RBM6: variants seen among roughly 807,000 people sequenced by gnomAD.
RBM6 encodes RNA binding motif protein 6.
RBM6 carries 23 observed loss-of-function variants against 140.4 expected under a neutral mutation model. That is an observed-to-expected ratio of 0.16 (90% confidence interval 0.12 to 0.23). RBM6 has a LOEUF of 0.23. Among genes scored for constraint, RBM6 ranks in the 10% least tolerant of loss-of-function variants. The pLI is 1.00. For synonymous variants in RBM6, 439 were observed against 475.6 expected (o/e 0.92, Z 1.00); for missense variants, 1,139 against 1,386.7 (o/e 0.82, Z 2.84).
chr3:49,946,879 G>A (rs1159145803), intron 1 of RBM6, among the ~76,000 whole-genome samples: 1 of 150,548 alleles, frequency 6.6e-6, no homozygotes, highest in Admixed American at 6.7e-5. Context: ...AGCTATCCTA[G>A]TGGATGTGAA....
At chr3:50,040,713 A>G (rs1028045864) in intron 6 of RBM6, among the ~76,000 whole-genome samples, 11 of 151,100 alleles carry the variant, frequency 7.3e-5, no homozygotes, top group South Asian at 2.1e-4. Flanking sequence ...CTGGAATGCA[A>G]TGGCGTGAGC....
chr3:50,069,151 C>A (rs2108944456), intron 18 of RBM6, among the ~76,000 whole-genome samples: 1 of 152,254 alleles, frequency 6.6e-6, no homozygotes, highest in East Asian at 1.9e-4. Flanking sequence ...GGACTTGCTA[C>A]CTCAACCACA....
At chr3:50,059,287 G>A (rs1425332066) in intron 10 of RBM6, 5 of 157,990 alleles carry the variant, frequency 3.2e-5, no homozygotes, top group Non-Finnish European at 6.9e-5. Flanking sequence ...TTCTATGGAA[G>A]TAAGGTGAAG....
intron 7 of RBM6, among the ~76,000 whole-genome samples, chr3:50,052,534 C>A (rs1031299205): frequency 6.6e-6 from 1 of 152,210 alleles, no homozygotes; most frequent in African/African-American, 2.4e-5. Context: ...TGTTAGAAAT[C>A]AGTTGACCAT....
At chr3:50,008,546 C>CTT (rs5848909) in intron 6 of RBM6, among the ~76,000 whole-genome samples, 4,461 of 73,784 alleles carry the variant, frequency 0.06, 364 homozygotes, top group Non-Finnish European at 0.068. Flanking sequence ...TCTTTTGTAA[C>CTT]TTTTTTTTTT....
At chr3:50,058,607 A>G (rs2089810618) in intron 10 of RBM6, 45 bp downstream of exon 10, 1 of 1,529,238 alleles carries the variant, frequency 6.5e-7, no homozygotes, top group African/African-American at 1.4e-5. Flanking sequence ...AGATGGCTAA[A>G]GAACCTTCAA....
rs577225827 is a variant in RBM6 at position 50,046,054 on chromosome 3, G to A, written c.1558-2191G>A. ...TCCCAGCACTTTGGGAGGCCAAAGCGGGCAGATCACGAGGTCAGGAGTTCG... is the reference window on the plus strand; with the variant it reads ...TCCCAGCACTTTGGGAGGCCAAAGCAGGCAGATCACGAGGTCAGGAGTTCG... On this transcript the variant is annotated intron_variant, in intron 6 of 20. Transcript: ENST00000266022. Among the ~76,000 whole-genome samples, 5 of 152,116 alleles carry A rather than the reference G, an allele frequency of 3.3e-5. No homozygotes were observed. In the East Asian group the frequency reaches 7.7e-4, roughly 24 times the overall value.
At position 50,066,224 on chromosome 3, in the gene RBM6, C is replaced by T. The variant is rs769663198; in HGVS notation, c.2683-18C>T. 40 of 1,600,676 alleles carry T rather than the reference C, an allele frequency of 2.5e-5. No individual in the cohort carries two copies. The highest frequency in any genetic ancestry group is 1.4e-4 in the Admixed American group (8 of 58,318). Reference sequence around the variant, plus strand: ...TATAGGTTGAATTTGGTATTGATCCCTGGCCTTCTCCTTCCAGCCTAAAGT... The same window carrying T: ...TATAGGTTGAATTTGGTATTGATCCTTGGCCTTCTCCTTCCAGCCTAAAGT... On this transcript the variant is annotated intron_variant, in intron 16 of 20. Transcript: ENST00000266022.
At chr3:49,962,191 C>T (rs2084313730) in intron 1 of RBM6, among the ~76,000 whole-genome samples, 1 of 144,296 alleles carries the variant, frequency 6.9e-6, no homozygotes, top group Non-Finnish European at 1.5e-5. Context: ...CAGTGGCTCA[C>T]GCCTGTAATC....
At chr3:50,028,012 T>C (rs1453910751) in intron 6 of RBM6, among the ~76,000 whole-genome samples, 2 of 152,150 alleles carry the variant, frequency 1.3e-5, no homozygotes, top group African/African-American at 2.4e-5. Flanking sequence ...GATATTTGCA[T>C]TACCCATTTG....
At chr3:49,986,724 C>T (rs1055152002) in intron 5 of RBM6, among the ~76,000 whole-genome samples, 5 of 151,346 alleles carry the variant, frequency 3.3e-5, no homozygotes, top group Non-Finnish European at 2.9e-5. Flanking sequence ...CTTCTCTTCT[C>T]CTCTCTTCTC....
At chr3:50,058,376 C>A in intron 9 of RBM6, 26 bp from the exon 10 acceptor site, 1 of 1,589,046 alleles carries the variant, frequency 6.3e-7, no homozygotes, top group South Asian at 1.1e-5. Context: ...CTTGTGTTGC[C>A]CTTCTCCCAT....
At chr3:50,003,285 A>G (rs2086424810) in intron 6 of RBM6, among the ~76,000 whole-genome samples, 1 of 147,484 alleles carries the variant, frequency 6.8e-6, no homozygotes, top group African/African-American at 2.5e-5. Context: ...GCATGGGGTA[A>G]ATAGTGAGAC....
At chr3:49,961,085 A>G (rs2084260151) in intron 1 of RBM6, among the ~76,000 whole-genome samples, 1 of 151,560 alleles carries the variant, frequency 6.6e-6, no homozygotes, top group Admixed American at 6.6e-5. Context: ...ATTTTTGTAT[A>G]TATATTTTTT....
At chr3:50,013,699 G>A (rs1378768635) in intron 6 of RBM6, among the ~76,000 whole-genome samples, 1 of 152,120 alleles carries the variant, frequency 6.6e-6, no homozygotes, top group Non-Finnish European at 1.5e-5. Context: ...GCGGGCATTT[G>A]GATGCCTGAT....
intron 6 of RBM6, among the ~76,000 whole-genome samples, chr3:50,008,546 CTTTTTTT>C (rs5848909): frequency 4.2e-4 from 31 of 73,722 alleles, no homozygotes; most frequent in African/African-American, 1.4e-3. Flanking sequence ...TCTTTTGTAA[CTTTTTTT>C]TTTTTTTTTT....
At chr3:49,987,942 A>T (rs2085641651) in intron 5 of RBM6, among the ~76,000 whole-genome samples, 1 of 152,078 alleles carries the variant, frequency 6.6e-6, no homozygotes, top group Admixed American at 6.6e-5. Flanking sequence ...CCGGTCATCA[A>T]AGATAATGTT....
chr3:49,944,993 C>T (rs896129324), intron 1 of RBM6, among the ~76,000 whole-genome samples: 11 of 151,682 alleles, frequency 7.3e-5, no homozygotes, highest in Non-Finnish European at 1.5e-5. Flanking sequence ...TCTCCTGCCT[C>T]AGCCTCCCGA....
chr3:49,942,098 CA>C (rs71631037), intron 1 of RBM6, among the ~76,000 whole-genome samples: 101 of 138,900 alleles, frequency 7.3e-4, no homozygotes, highest in Middle Eastern at 3.9e-3. Context: ...AAGACTGTCT[CA>C]AAAAAAAAAA....
Sources: gnomAD v4.1 joint callset for allele counts (sites outside exome capture counted in the v4.1 genomes callset) on GRCh38, gnomAD v4.1.1 for gene constraint, MANE v1.5 for transcripts, NCBI Gene and HGNC (gene_info 2026-07-23, HGNC 2026-07-21) for gene names.